TASP1: variants seen among roughly 807,000 people sequenced by gnomAD.
The protein encoded by TASP1 is threonine aspartase 1.
TASP1 carries 16 observed loss-of-function variants against 56.6 expected under a neutral mutation model. The ratio of observed to expected loss-of-function variants is 0.28; its 90% CI spans 0.19 to 0.43. The LOEUF (loss-of-function observed/expected upper bound fraction) is 0.43, where lower values mean the gene tolerates loss of function less well. Among genes scored for constraint, TASP1 ranks in the 20% least tolerant of loss-of-function variants. The pLI is 1.00. For synonymous variants in TASP1, 179 were observed against 184.2 expected, an observed-to-expected ratio of 0.97 and a Z score of 0.23; for missense variants, 393 against 511.6, an observed-to-expected ratio of 0.77 and a Z score of 2.24.
At chr20:13,593,643 G>A (rs2047620111) in intron 4 of TASP1, among the ~76,000 whole-genome samples, 1 of 152,124 alleles carries the variant, frequency 6.6e-6, no homozygotes, top group Non-Finnish European at 1.5e-5. Flanking sequence ...GCAGCCTGGT[G>A]CGGGAAGGGG....
chr20:13,525,495 T>C (rs2044940526), intron 10 of TASP1, among the ~76,000 whole-genome samples: 1 of 152,142 alleles, frequency 6.6e-6, no homozygotes, highest in Non-Finnish European at 1.5e-5. Context: ...CTAGAGTTTA[T>C]CCCTCAGGCT....
chr20:13,549,037 G>A (rs949412939), intron 8 of TASP1, among the ~76,000 whole-genome samples: 2 of 152,122 alleles, frequency 1.3e-5, no homozygotes, highest in Admixed American at 1.3e-4. Flanking sequence ...TGTATTAAGA[G>A]TATTACACCA....
At chr20:13,270,702 C>A in the TASP1 span, 13 of 1,613,756 alleles carry the variant, frequency 8.1e-6, no homozygotes, top group South Asian at 1.1e-5. Context: ...CTTTCCAGAT[C>A]TTTCCAAAGC....
intron 12 of TASP1, among the ~76,000 whole-genome samples, chr20:13,422,536 T>C (rs1453957356): frequency 6.6e-6 from 1 of 152,188 alleles, no homozygotes; most frequent in Admixed American, 6.5e-5. Context: ...GGTTGATTCA[T>C]TAACAATGAA....
At chr20:13,521,157 C>G (rs1247622579) in intron 10 of TASP1, among the ~76,000 whole-genome samples, 5 of 152,208 alleles carry the variant, frequency 3.3e-5, no homozygotes, top group African/African-American at 7.2e-5. Context: ...GAAATAGGAA[C>G]ACTTTTACAC....
At chr20:13,257,434 T>G in the TASP1 span, among the ~76,000 whole-genome samples, 2 of 152,158 alleles carry the variant, frequency 1.3e-5, no homozygotes, top group Non-Finnish European at 2.9e-5. Context: ...GGAGAATCAC[T>G]TGAACCTGGG....
At chr20:13,234,066 C>T in the TASP1 span, among the ~76,000 whole-genome samples, 6 of 152,120 alleles carry the variant, frequency 3.9e-5, no homozygotes, top group South Asian at 2.1e-4. Context: ...GTACTCATCA[C>T]CTGAGTAGTG....
At chr20:13,303,841 T>C in the TASP1 span, among the ~76,000 whole-genome samples, 1 of 152,208 alleles carries the variant, frequency 6.6e-6, no homozygotes, top group African/African-American at 2.4e-5. Flanking sequence ...TGGTAAGTGA[T>C]ATAAAGTCAA....
rs1233034468 is a variant in TASP1 at position 13,389,550 on chromosome 20, C to T, written c.*810G>A. On this transcript the variant is annotated 3_prime_UTR_variant, in exon 14 of 14. Coordinates refer to ENST00000337743, the MANE Select transcript of TASP1 (RefSeq NM_017714.3). ...CCCATAAACTTTGCTTTCTTATTTACAGTGTTATATTGTAAATAACTTTCC... is the reference window on the plus strand; with the variant it reads ...CCCATAAACTTTGCTTTCTTATTTATAGTGTTATATTGTAAATAACTTTCC... The T allele has an allele frequency of 2.0e-5, 3 of 152,532 alleles. No individual in the cohort carries two copies. The highest frequency in any genetic ancestry group is 4.4e-5 in the Non-Finnish European group (3 of 68,014). 9.4% of individuals were successfully genotyped at this position (152,532 alleles called of 1,614,324 possible). A position where few individuals can be genotyped will look rare whatever the true frequency, so the allele number is the denominator to read the frequency against.
the TASP1 span, chr20:13,167,974 T>A: frequency 6.6e-6 from 1 of 152,222 alleles, no homozygotes; most frequent in Non-Finnish European, 1.5e-5. Flanking sequence ...CTGGTAAAAT[T>A]AATTTATTCC....
the TASP1 span, among the ~76,000 whole-genome samples, chr20:13,347,826 A>G: frequency 6.6e-6 from 1 of 151,124 alleles, no homozygotes; most frequent in Non-Finnish European, 1.5e-5. Context: ...TGGGCGACAT[A>G]GCGAGACTTT....
chr20:13,521,011 A>C (rs1251905119), intron 10 of TASP1, among the ~76,000 whole-genome samples: 1 of 152,240 alleles, frequency 6.6e-6, no homozygotes, highest in Non-Finnish European at 1.5e-5. Context: ...CAACCAAAAG[A>C]CACATGAAAA....
chr20:13,258,382 C>T, the TASP1 span, among the ~76,000 whole-genome samples: 1 of 152,106 alleles, frequency 6.6e-6, no homozygotes, highest in South Asian at 2.1e-4. Flanking sequence ...CTCTCCCTGG[C>T]TTTACTGGCC....
the TASP1 span, chr20:13,299,358 A>G: frequency 6.2e-7 from 1 of 1,613,892 alleles, no homozygotes; most frequent in Non-Finnish European, 8.5e-7. This position sits in a 1 kb window ranked among gnomAD's most constrained non-coding sequence, Gnocchi z 5.8. Flanking sequence ...TGACTGGAGC[A>G]GGTATAACGA....
chr20:13,146,523 T>C, the TASP1 span, among the ~76,000 whole-genome samples: 1 of 152,246 alleles, frequency 6.6e-6, no homozygotes, highest in African/African-American at 2.4e-5. Context: ...ACATAATTAA[T>C]GGCTTGCTAA....
the TASP1 span, among the ~76,000 whole-genome samples, chr20:13,284,180 T>C: frequency 6.6e-6 from 1 of 152,354 alleles, no homozygotes; most frequent in South Asian, 2.1e-4. Flanking sequence ...CAGTAATCGG[T>C]AGACACTGTC....
chr20:13,456,667 T>C (rs2043850741), intron 11 of TASP1, among the ~76,000 whole-genome samples: 1 of 151,516 alleles, frequency 6.6e-6, no homozygotes, highest in African/African-American at 2.4e-5. Flanking sequence ...TTTCATGAAC[T>C]TTTTGCAGTC....
chr20:13,520,400 G>T (rs2146794615), intron 10 of TASP1, among the ~76,000 whole-genome samples: 1 of 152,230 alleles, frequency 6.6e-6, no homozygotes, highest in East Asian at 1.9e-4. Context: ...AACCAAAACA[G>T]CACGGTACTG....
At chr20:13,480,156 C>G (rs1360349166) in intron 11 of TASP1, among the ~76,000 whole-genome samples, 1 of 152,132 alleles carries the variant, frequency 6.6e-6, no homozygotes, top group Non-Finnish European at 1.5e-5. Flanking sequence ...TGTGCTGAAT[C>G]CAGAAGATAC....
Sources: gnomAD v4.1 joint callset for allele counts (sites outside exome capture counted in the v4.1 genomes callset) on GRCh38, gnomAD v4.1.1 for gene constraint, Gnocchi (gnomAD v3.1) non-coding constraint, MANE v1.5 for transcripts, NCBI Gene and HGNC (gene_info 2026-07-23, HGNC 2026-07-21) for gene names.